The following PRKD2 variants were observed in gnomAD, a reference collection of about 807,000 sequenced individuals.
PRKD2 encodes the protein serine/threonine-protein kinase D2.
In PRKD2, 22 loss-of-function variants were observed where a neutral mutation model predicts 86.0. The ratio of observed to expected loss-of-function variants is 0.26; its 90% confidence interval spans 0.18 to 0.37. The LOEUF (loss-of-function observed/expected upper bound fraction) is 0.37. Among genes scored for constraint, PRKD2 ranks in the 10% least tolerant of loss-of-function variants. PRKD2 has a pLI of 1.00. For missense variants in PRKD2, 818 were observed against 1,199.2 expected (o/e 0.68, Z 4.70); for synonymous variants, 509 against 510.9 (o/e 1.00, Z 0.05).
rs533670458 is a variant in PRKD2, at chr19:46,678,906, T to A, written c.2071-243A>T. Among the ~76,000 whole-genome samples, 10 of 152,316 alleles carry A rather than the reference T, an allele frequency of 6.6e-5. No homozygotes were observed. The highest frequency in any genetic ancestry group is 2.4e-4 in the African/African-American group (10 of 41,564). On this transcript the variant is annotated intron_variant, in intron 15 of 17. Transcript: ENST00000291281. The surrounding 1 kb of genome is among the most constrained non-coding windows in gnomAD (Gnocchi z 5.7). ...CTCAGAGGACTGCCATGATGGTTAG[T>A]GAATTAAACCATCCAAAGCCCACAG...
intron 7 of PRKD2, among the ~76,000 whole-genome samples, chr19:46,699,192 G>A (rs1460183558): frequency 6.6e-6 from 1 of 152,122 alleles, no homozygotes; most frequent in Non-Finnish European, 1.5e-5. Context: ...CTGCCTGGAA[G>A]CCTTTTCCCC....
At chr19:46,701,290 C>CG (rs369906343) in intron 5 of PRKD2, among the ~76,000 whole-genome samples, 178 bp from the exon 6 acceptor site, 13 of 151,694 alleles carry the variant, frequency 8.6e-5, no homozygotes, top group South Asian at 2.1e-4. Context: ...TCCCAACCAT[C>CG]GGGGGGGTCT....
chr19:46,691,998 G>A lies in PRKD2; in HGVS notation c.1577-13C>T, dbSNP rs147565295. ...AGAGAAGCTTGTCCTAGGGAGAGGG[G>A]AGAGACAGAGGTGAGGGGACTCCAG... On this transcript the variant is annotated splice_polypyrimidine_tract_variant and intron_variant, in intron 10 of 17. Coordinates refer to ENST00000291281, the MANE Select transcript of PRKD2 (RefSeq NM_016457.5). 3,037 of 1,612,944 alleles carry A rather than the reference G, an allele frequency of 1.9e-3. 52 individuals are homozygous for A. The African/African-American group carries it at 0.035, about 19-fold the overall frequency.
At chr19:46,677,815 T>C (rs2122547567) in intron 16 of PRKD2, among the ~76,000 whole-genome samples, 1 of 152,208 alleles carries the variant, frequency 6.6e-6, no homozygotes, top group Non-Finnish European at 1.5e-5. Flanking sequence ...CCTGGACCTC[T>C]TCGGAAACCC....
At chr19:46,706,892 C>CTTTTT (rs574385292) in intron 3 of PRKD2, among the ~76,000 whole-genome samples, 1 of 134,212 alleles carries the variant, frequency 7.5e-6, no homozygotes, top group Non-Finnish European at 1.6e-5. Context: ...AACTGGATTT[C>CTTTTT]TTTTTTTTTT....
intron 12 of PRKD2, among the ~76,000 whole-genome samples, chr19:46,691,146 A>G (rs1213357974): frequency 6.6e-6 from 1 of 151,918 alleles, no homozygotes. Context: ...TCTGTGGCAA[A>G]TCAAAGTGTA....
intron 14 of PRKD2, among the ~76,000 whole-genome samples, chr19:46,682,003 G>A (rs2053315241): frequency 6.6e-6 from 1 of 150,714 alleles, no homozygotes; most frequent in East Asian, 1.9e-4. Context: ...ACCATGCCCA[G>A]CTAATTTTTT....
chr19:46,703,628 C>T (rs2053665682), intron 5 of PRKD2, among the ~76,000 whole-genome samples: 1 of 151,916 alleles, frequency 6.6e-6, no homozygotes, highest in Admixed American at 6.6e-5. Flanking sequence ...AAAAATTAGC[C>T]AGGCATGGTG....
chr19:46,714,262 G>C, intron 1 of PRKD2: 10 of 1,260,126 alleles, frequency 7.9e-6, no homozygotes, highest in Non-Finnish European at 1.0e-5. Flanking sequence ...GAGTGGCTCC[G>C]GGAGCGTGGA....
At chr19:46,703,470 T>C (rs1414670690) in intron 5 of PRKD2, among the ~76,000 whole-genome samples, 1 of 151,704 alleles carries the variant, frequency 6.6e-6, no homozygotes, top group African/African-American at 2.4e-5. Context: ...CTACAAATGA[T>C]TTAAAAATTA....
chr19:46,699,964 G>C lies in PRKD2; in HGVS notation c.1121+835C>G, dbSNP rs183990645. On this transcript the variant is annotated intron_variant, in intron 7 of 17. Transcript: ENST00000291281. ...AAGAAGAGGAATATAGGTCAGGCGC[G>C]GTGGCTCATGCCTGTAATCCCAGCA... Among the ~76,000 whole-genome samples the C allele has an allele frequency of 2.7e-3, 411 of 151,318 alleles. 5 individuals carry two copies. The highest frequency in any genetic ancestry group is 9.3e-3 in the African/African-American group (384 of 41,214).
intron 16 of PRKD2, among the ~76,000 whole-genome samples, chr19:46,676,362 T>C (rs2053202395): frequency 6.6e-6 from 1 of 152,062 alleles, no homozygotes; most frequent in Admixed American, 6.6e-5. Flanking sequence ...GAGGCAGAGG[T>C]TGCAGTGAGC....
intron 16 of PRKD2, among the ~76,000 whole-genome samples, chr19:46,676,948 T>G (rs1294425435): frequency 6.6e-6 from 1 of 151,370 alleles, no homozygotes. Flanking sequence ...GTAATCCCAG[T>G]TACTCGGGAG....
In PRKD2 at chr19:46,678,829, C is replaced by G. The variant is rs2053253071; in HGVS notation, c.2071-166G>C. 6.6e-6 allele frequency among the ~76,000 whole-genome samples: 1 copy of G among 151,990 alleles called. No homozygotes were observed. The stretch of plus-strand genomic sequence containing the variant: ...CAACCCTGGGCAGGTGACTTCCCCC[C>G]TCTGTGCCTCAGTTTCCCCATCTAT... On this transcript the variant is annotated intron_variant, in intron 15 of 17. Coordinates refer to ENST00000291281, the MANE Select transcript of PRKD2 (RefSeq NM_016457.5). The surrounding 1 kb of genome is among the most constrained non-coding windows in gnomAD (Gnocchi z 5.7).
chr19:46,676,612 A>G (rs2053207229), intron 16 of PRKD2, among the ~76,000 whole-genome samples: 1 of 152,210 alleles, frequency 6.6e-6, no homozygotes, highest in Non-Finnish European at 1.5e-5. Context: ...GCTTCACTGT[A>G]TGAACCCATC....
intron 5 of PRKD2, among the ~76,000 whole-genome samples, chr19:46,702,460 A>C (rs1326687827): frequency 6.6e-6 from 1 of 151,678 alleles, no homozygotes; most frequent in Admixed American, 6.6e-5. Context: ...ATATATCTAA[A>C]CTCTAAAATT....
intron 4 of PRKD2, 26 bp from the exon 5 acceptor site, chr19:46,704,417 C>G (rs754726465): frequency 1.3e-4 from 202 of 1,613,708 alleles, no homozygotes; most frequent in Non-Finnish European, 1.6e-4. Flanking sequence ...ATGGAGGGGA[C>G]ACATCAGTGC....
At chr19:46,697,134 G>C in intron 9 of PRKD2, 23 bp downstream of exon 9, 1 of 1,533,124 alleles carries the variant, frequency 6.5e-7, no homozygotes, top group Non-Finnish European at 9.0e-7. Flanking sequence ...AAGTCCGAGG[G>C]AGCTGAAAGC....
Position 46,710,920 on chromosome 19 carries a change from G to T in PRKD2, c.498C>A (p.Gly166=). Residue 166 remains glycine (G), a synonymous_variant, in exon 3 of 18, where the codon GGC becomes GGA. Transcript: ENST00000291281. The part of the protein sequence containing the change: ...GEMLFGLVRQ[G]LKCDGCGLNY... The stretch of plus-strand genomic sequence containing the variant: ...TTTAGCTCTCACCATCGCACTTGAG[G>T]CCCTGGCGCACTAGGCCGAAGAGCA... The T allele has an allele frequency of 1.9e-6, 3 of 1,575,958 alleles. No individual in the cohort carries two copies. Among genetic ancestry groups the T allele is most frequent in the Middle Eastern group, 3.3e-4 (2 of 6,012 alleles).
Sources: allele counts gnomAD v4.1 joint callset (sites outside exome capture counted in the v4.1 genomes callset), GRCh38; gene constraint gnomAD v4.1.1; non-coding constraint Gnocchi (gnomAD v3.1); transcripts MANE v1.5; gene names NCBI Gene and HGNC (gene_info 2026-07-23, HGNC 2026-07-21).